Variants in SLC38A6 observed in about 807,000 individuals in gnomAD.
SLC38A6 encodes the protein N system amino acid transporter NAT-1.
Under a neutral mutation model 65.0 loss-of-function variants are expected in SLC38A6, and 73 were observed. The ratio of observed to expected loss-of-function variants is 1.12; its 90% CI spans 0.93 to 1.37. The LOEUF (loss-of-function observed/expected upper bound fraction) is 1.37. Among genes scored for constraint, SLC38A6 ranks in the 40% most tolerant of loss-of-function variants. The probability of loss-of-function intolerance (pLI) is 0.00; values close to 1 mark genes in which losing one functional copy is unlikely to be tolerated. For missense variants in SLC38A6, 561 were observed against 531.1 expected, an observed-to-expected ratio of 1.06 and a Z score of -0.55; for synonymous variants, 183 against 178.8, an observed-to-expected ratio of 1.02 and a Z score of -0.19.
chr14:61,077,280 G>T (rs994179425), intron 15 of SLC38A6, among the ~76,000 whole-genome samples: 22 of 152,252 alleles, frequency 1.4e-4, no homozygotes, highest in African/African-American at 5.1e-4. Flanking sequence ...ATTCAGTAAA[G>T]ATTTCTTCAC....
chr14:61,005,265 C>T (rs1403555766), intron 3 of SLC38A6, among the ~76,000 whole-genome samples: 1 of 147,406 alleles, frequency 6.8e-6, no homozygotes, highest in East Asian at 2.0e-4. Flanking sequence ...CCTTTGAAAA[C>T]TGGCACAAGA....
At chr14:61,053,830 G>A (rs1412026433), downstream of SLC38A6, among the ~76,000 whole-genome samples, 1 of 151,678 alleles carries the variant, frequency 6.6e-6, no homozygotes, top group Non-Finnish European at 1.5e-5. Flanking sequence ...CTCCTGTTCT[G>A]TAGGCTGTTT....
intron 3 of SLC38A6, chr14:60,986,913 T>C (rs983340321): frequency 3.0e-5 from 6 of 197,136 alleles, no homozygotes; most frequent in African/African-American, 1.4e-4. Context: ...TCTAAGTAAT[T>C]TTAATTTTTT....
chr14:61,079,171 T>C (rs1321277272), intron 16 of SLC38A6, among the ~76,000 whole-genome samples: 24 of 129,232 alleles, frequency 1.9e-4, no homozygotes, highest in African/African-American at 7.0e-4. Context: ...AGAGTCTCGC[T>C]CTGTCGCCCA....
At chr14:61,044,600 T>C (rs1276295342) in intron 10 of SLC38A6, among the ~76,000 whole-genome samples, 3 of 152,148 alleles carry the variant, frequency 2.0e-5, no homozygotes, top group African/African-American at 7.2e-5. Flanking sequence ...AGCCTGAAGT[T>C]AGTTAAGTGG....
chr14:60,988,639 C>G (rs187878112), intron 3 of SLC38A6, among the ~76,000 whole-genome samples: 1 of 152,332 alleles, frequency 6.6e-6, no homozygotes, highest in East Asian at 1.9e-4. Context: ...AACTCACCCT[C>G]TCAAGTACTT....
At chr14:60,994,573 G>A (rs924393216) in intron 3 of SLC38A6, among the ~76,000 whole-genome samples, 16 of 151,816 alleles carry the variant, frequency 1.1e-4, no homozygotes, top group South Asian at 2.1e-4. Context: ...GCATGATGGC[G>A]GGCACCTGTA....
intron 10 of SLC38A6, among the ~76,000 whole-genome samples, chr14:61,044,693 T>C (rs1172325243): frequency 6.6e-6 from 1 of 152,152 alleles, no homozygotes; most frequent in Non-Finnish European, 1.5e-5. Flanking sequence ...ATGGTAACTT[T>C]TTTTGCTTTA....
chr14:61,065,558 G>A (rs1193003526), intron 15 of SLC38A6, among the ~76,000 whole-genome samples: 1 of 152,090 alleles, frequency 6.6e-6, no homozygotes, highest in African/African-American at 2.4e-5. Flanking sequence ...CATATCCCTG[G>A]GGTAGTGAAG....
At chr14:60,996,695 A>C (rs1435235363) in intron 3 of SLC38A6, among the ~76,000 whole-genome samples, 2 of 152,208 alleles carry the variant, frequency 1.3e-5, no homozygotes, top group African/African-American at 2.4e-5. Flanking sequence ...GAATGATCAG[A>C]AATCCAGTTA....
chr14:61,016,695 A>G (rs561821611), intron 4 of SLC38A6, among the ~76,000 whole-genome samples: 13 of 152,184 alleles, frequency 8.5e-5, no homozygotes, highest in African/African-American at 1.4e-4. Flanking sequence ...AAGAACTACT[A>G]TACTTCTAAA....
intron 5 of SLC38A6, among the ~76,000 whole-genome samples, chr14:61,025,446 T>A (rs1020996386): frequency 1.3e-5 from 2 of 152,150 alleles, no homozygotes; most frequent in African/African-American, 4.8e-5. Context: ...TTATCTGTGG[T>A]GAAACTGCAG....
intron 3 of SLC38A6, among the ~76,000 whole-genome samples, chr14:60,986,393 C>A (rs982112301): frequency 3.9e-5 from 6 of 152,180 alleles, no homozygotes; most frequent in Admixed American, 3.9e-4. Context: ...GTGCTTTGGC[C>A]AGCCAGTGCC....
In SLC38A6 at chr14:60,982,649, A is replaced by G. The variant is rs2037146979; in HGVS notation, c.236+11A>G. On this transcript the variant is annotated intron_variant, in intron 2 of 15. Coordinates refer to ENST00000267488, the MANE Select transcript of SLC38A6 (RefSeq NM_153811.3). ...TGTCTTTGGATTTAGGTGAGTCTTC[A>G]TATTTTAGCATCAAATTTTTTTTTC... 3 of 1,591,238 alleles carry G rather than the reference A, an allele frequency of 1.9e-6. No individual in the cohort carries two copies. Among genetic ancestry groups the G allele is most frequent in the Middle Eastern group, 1.9e-4 (1 of 5,372 alleles).
intron 3 of SLC38A6, among the ~76,000 whole-genome samples, chr14:61,007,908 G>A (rs1056124941): frequency 6.6e-6 from 1 of 151,944 alleles, no homozygotes; most frequent in Non-Finnish European, 1.5e-5. Context: ...AAGATTTGTT[G>A]ATTAAAATAA....
chr14:61,019,604 T>C, intron 5 of SLC38A6, 24 bp downstream of exon 5: 3 of 1,610,168 alleles, frequency 1.9e-6, no homozygotes, highest in Non-Finnish European at 2.5e-6. Flanking sequence ...AGTGCACTGT[T>C]TATACATAAA....
intron 10 of SLC38A6, among the ~76,000 whole-genome samples, 190 bp downstream of exon 10, chr14:61,043,693 CTTTTTTTTTT>C (rs34559752): frequency 1.9e-5 from 2 of 107,348 alleles, no homozygotes; most frequent in Admixed American, 1.8e-4. Context: ...AAACAGCCAC[CTTTTTTTTTT>C]TTTTTTTTTT....
At chr14:61,025,940 T>C (rs531763442) in intron 5 of SLC38A6, among the ~76,000 whole-genome samples, 321 of 152,288 alleles carry the variant, frequency 2.1e-3, no homozygotes, top group Non-Finnish European at 2.6e-3. Flanking sequence ...ACTTATTTTT[T>C]CCCCGTAGCA....
At chr14:60,983,089 T>C (rs2037183090) in intron 2 of SLC38A6, among the ~76,000 whole-genome samples, 1 of 152,242 alleles carries the variant, frequency 6.6e-6, no homozygotes, top group Non-Finnish European at 1.5e-5. Context: ...TTCTTTTTTA[T>C]GTTTCAGGAC....
Sources: allele counts gnomAD v4.1 joint callset (sites outside exome capture counted in the v4.1 genomes callset), GRCh38; gene constraint gnomAD v4.1.1; transcripts MANE v1.5; gene names NCBI Gene and HGNC (gene_info 2026-07-23, HGNC 2026-07-21).